MICU1: variants seen among roughly 807,000 people sequenced by gnomAD.
MICU1 encodes the protein calcium uptake protein 1, mitochondrial.
MICU1 carries 45 observed loss-of-function variants against 56.8 expected under a neutral mutation model. The ratio of observed to expected loss-of-function variants is 0.79; its 90% CI spans 0.62 to 1.02. MICU1 has a LOEUF of 1.02. MICU1 is among the 50% of genes least tolerant of loss of function. MICU1 has a pLI of 0.00. For synonymous variants in MICU1, 186 were observed against 195.1 expected, an observed-to-expected ratio of 0.95 and a Z score of 0.39; for missense variants, 504 against 587.1, an observed-to-expected ratio of 0.86 and a Z score of 1.46.
intron 9 of MICU1, among the ~76,000 whole-genome samples, chr10:72,421,412 T>C (rs901267926): frequency 6.6e-6 from 1 of 152,090 alleles, no homozygotes; most frequent in Non-Finnish European, 1.5e-5. Flanking sequence ...GTAGCTGAGA[T>C]TATAGGCGCC....
intron 1 of MICU1, among the ~76,000 whole-genome samples, chr10:72,598,787 C>A (rs1301725996): frequency 6.6e-6 from 1 of 152,022 alleles, no homozygotes; most frequent in Non-Finnish European, 1.5e-5. Flanking sequence ...AAATTTATTC[C>A]TAAATATTAG....
At chr10:72,561,968 C>A (rs115773990) in intron 3 of MICU1, among the ~76,000 whole-genome samples, 1 of 151,962 alleles carries the variant, frequency 6.6e-6, no homozygotes, top group Non-Finnish European at 1.5e-5. Flanking sequence ...AGCAACTGAA[C>A]GCAACTCCCT....
chr10:72,484,366 A>G (rs867530008), intron 6 of MICU1, among the ~76,000 whole-genome samples: 1 of 152,092 alleles, frequency 6.6e-6, no homozygotes, highest in South Asian at 2.1e-4. Context: ...TTTAACACAG[A>G]ATTAAAAAAA....
rs1455859136 is a variant in MICU1 at position 72,525,630 on chromosome 10, C to T, written c.537+8116G>A. On this transcript the variant is annotated intron_variant, in intron 5 of 11. Transcript: ENST00000361114. ...AAGGACTGTGGAGAGAACAATTACG[C>T]AGAGGGTATACTAGTCTGCAGCTTT... 3.9e-5 allele frequency among the ~76,000 whole-genome samples: 6 copies of T among 152,152 alleles called. No individual in the cohort carries two copies. The East Asian group carries it at 1.2e-3, about 29-fold the overall frequency.
At chr10:72,598,308 T>C (rs778032035) in intron 1 of MICU1, among the ~76,000 whole-genome samples, 30 of 152,100 alleles carry the variant, frequency 2.0e-4, no homozygotes, top group Non-Finnish European at 3.8e-4. Flanking sequence ...CAGGTTGGAT[T>C]GCAGTGGCAT....
chr10:72,386,134 C>G (rs1461377535), intron 10 of MICU1, among the ~76,000 whole-genome samples: 1 of 152,164 alleles, frequency 6.6e-6, no homozygotes, highest in African/African-American at 2.4e-5. Context: ...TGCCAACACT[C>G]TGAATCACAG....
chr10:72,579,800 A>G (rs1300145286), intron 1 of MICU1, among the ~76,000 whole-genome samples: 2 of 152,186 alleles, frequency 1.3e-5, no homozygotes, highest in African/African-American at 4.8e-5. Flanking sequence ...CTCATGCAAA[A>G]AAATTATTAA....
intron 1 of MICU1, among the ~76,000 whole-genome samples, chr10:72,581,042 T>C (rs1299944332): frequency 1.3e-5 from 2 of 152,202 alleles, no homozygotes; most frequent in Non-Finnish European, 2.9e-5. Flanking sequence ...AAAATTACAG[T>C]ATGCCCAATT....
intron 5 of MICU1, among the ~76,000 whole-genome samples, chr10:72,518,991 A>G (rs2132376158): frequency 6.6e-6 from 1 of 152,354 alleles, no homozygotes; most frequent in East Asian, 1.9e-4. Context: ...AGAATTGGAT[A>G]TTCTTAAAAG....
At chr10:72,408,782 G>A (rs1863712305) in intron 9 of MICU1, among the ~76,000 whole-genome samples, 1 of 152,182 alleles carries the variant, frequency 6.6e-6, no homozygotes, top group Non-Finnish European at 1.5e-5. Flanking sequence ...AGGCTTAAGC[G>A]AATTGAAGAA....
At position 72,612,074 on chromosome 10, in the gene MICU1, T is replaced by C. The variant is rs112043084; in HGVS notation, c.-2+13936A>G. Among the ~76,000 whole-genome samples the C allele has an allele frequency of 5.6e-3, 842 of 151,674 alleles. 6 individuals are homozygous for C. Among genetic ancestry groups the C allele is most frequent in the African/African-American group, 0.019 (804 of 41,336 alleles). On this transcript the variant is annotated intron_variant, in intron 1 of 11. Coordinates refer to ENST00000361114, the MANE Select transcript of MICU1 (RefSeq NM_001195518.2). ...GTGAAATTGGAAACTGAAACCAGAT[T>C]TGGTAACTCCTTTCCTAATTGTCTT...
At chr10:72,443,155 G>T (rs1864994710) in intron 8 of MICU1, among the ~76,000 whole-genome samples, 3 of 152,148 alleles carry the variant, frequency 2.0e-5, no homozygotes. Flanking sequence ...TTTTTTGGCT[G>T]CATAAATGTC....
At chr10:72,373,090 T>C (rs1862401026) in intron 11 of MICU1, among the ~76,000 whole-genome samples, 1 of 152,088 alleles carries the variant, frequency 6.6e-6, no homozygotes, top group South Asian at 2.1e-4. Context: ...CATGCATGTG[T>C]GATTTGTGAG....
intron 9 of MICU1, among the ~76,000 whole-genome samples, chr10:72,410,545 G>A (rs1385932056): frequency 6.6e-6 from 1 of 152,156 alleles, no homozygotes; most frequent in African/African-American, 2.4e-5. Context: ...CTTGAGCCTG[G>A]GAGGCAGAGG....
intron 8 of MICU1, among the ~76,000 whole-genome samples, chr10:72,458,722 T>A (rs80333136): frequency 6.7e-4 from 79 of 117,442 alleles, no homozygotes; most frequent in South Asian, 1.8e-3. Flanking sequence ...TTTTTTTTTT[T>A]AAATAAATAC....
At chr10:72,561,938 T>C (rs1261797376) in intron 3 of MICU1, among the ~76,000 whole-genome samples, 1 of 152,168 alleles carries the variant, frequency 6.6e-6, no homozygotes, top group Non-Finnish European at 1.5e-5. Flanking sequence ...ATTATCTTGT[T>C]GCATTATTAG....
chr10:72,569,785 C>T (rs891621693), intron 1 of MICU1, among the ~76,000 whole-genome samples: 5 of 152,100 alleles, frequency 3.3e-5, no homozygotes, highest in African/African-American at 1.2e-4. Context: ...ACCTTCAGGG[C>T]TCAGTATAGT....
At chr10:72,606,561 A>G (rs1841697983) in intron 1 of MICU1, among the ~76,000 whole-genome samples, 1 of 151,920 alleles carries the variant, frequency 6.6e-6, no homozygotes, top group South Asian at 2.1e-4. Flanking sequence ...GAACTTATCT[A>G]TCCTTGCTAT....
chr10:72,569,721 G>A (rs1156300913), intron 1 of MICU1, among the ~76,000 whole-genome samples: 3 of 151,908 alleles, frequency 2.0e-5, no homozygotes, highest in East Asian at 1.9e-4. Flanking sequence ...GGATCATTTC[G>A]GGCACCTCCA....
Sources: allele counts gnomAD v4.1 joint callset (sites outside exome capture counted in the v4.1 genomes callset), GRCh38; gene constraint gnomAD v4.1.1; transcripts MANE v1.5; gene names NCBI Gene and HGNC (gene_info 2026-07-23, HGNC 2026-07-21).